The following CTXND1 variants were observed in gnomAD, a reference collection of about 807,000 sequenced individuals.
CTXND1 encodes the protein cortexin domain-containing 1 protein.
chr15:80,216,412 T>A lies in CTXND1; in HGVS notation c.-217-12672A>T, dbSNP rs16971846. Among the ~76,000 whole-genome samples the A allele has an allele frequency of 0.025, 3,882 of 152,296 alleles. 325 individuals carry two copies. In the East Asian group the frequency reaches 0.28, roughly 11 times the overall value. On this transcript the variant is annotated intron_variant, in intron 1 of 2. Coordinates refer to ENST00000560778, the MANE Select transcript of CTXND1 (RefSeq NM_001352888.2). ...TTCCAAAGAACACATTTCATTTGTT[T>A]ACAGCCATGAATTGAGATGTTCGCA...
chr15:80,216,022 T>G (rs1893249036), intron 1 of CTXND1, among the ~76,000 whole-genome samples: 1 of 152,234 alleles, frequency 6.6e-6, no homozygotes, highest in South Asian at 2.1e-4. Context: ...CCCAGAAAGA[T>G]ATGTTAGCTA....
intron 1 of CTXND1, among the ~76,000 whole-genome samples, chr15:80,217,855 G>GT (rs1893270742): frequency 6.6e-6 from 1 of 152,116 alleles, no homozygotes; most frequent in Non-Finnish European, 1.5e-5. Flanking sequence ...CCCACTAATA[G>GT]TTTAAGTAAG....
chr15:80,223,052 T>C (rs1190462221), intron 1 of CTXND1, among the ~76,000 whole-genome samples: 5 of 152,334 alleles, frequency 3.3e-5, no homozygotes, highest in South Asian at 4.1e-4. Context: ...TAACATAAGG[T>C]CTATGAGATT....
intron 1 of CTXND1, among the ~76,000 whole-genome samples, chr15:80,210,311 A>C (rs1328655098): frequency 2.6e-5 from 4 of 152,230 alleles, no homozygotes; most frequent in Non-Finnish European, 4.4e-5. Context: ...AAATATTAAT[A>C]CTAGTAAGTA....
At chr15:80,225,819 A>G (rs1245044574) in intron 1 of CTXND1, among the ~76,000 whole-genome samples, 2 of 152,112 alleles carry the variant, frequency 1.3e-5, no homozygotes, top group Non-Finnish European at 2.9e-5. Context: ...ATTAGAGGCC[A>G]TTTGTTCTAA....
chr15:80,196,310 A>T lies in CTXND1; in HGVS notation c.*5460T>A, dbSNP rs1279205763. 2.0e-5 allele frequency: 3 copies of T among 152,178 alleles called. No individual in the cohort carries two copies. The highest frequency in any genetic ancestry group is 4.4e-5 in the Non-Finnish European group (3 of 68,036). 9.4% of individuals were successfully genotyped at this position (152,178 alleles called of 1,614,324 possible). A position where few individuals can be genotyped will look rare whatever the true frequency, so the allele number is the denominator to read the frequency against. On this transcript the variant is annotated 3_prime_UTR_variant, in exon 3 of 3. Transcript: ENST00000560778. ...CTTCATGTTCTTTAGGAATCTGTGGATACTGTGGCAACTCATTGAAGACAC... is the reference window on the plus strand; with the variant it reads ...CTTCATGTTCTTTAGGAATCTGTGGTTACTGTGGCAACTCATTGAAGACAC...
At chr15:80,221,037 T>C (rs1893310427) in intron 1 of CTXND1, among the ~76,000 whole-genome samples, 2 of 151,530 alleles carry the variant, frequency 1.3e-5, no homozygotes, top group South Asian at 4.2e-4. Flanking sequence ...GCCTCCCGAG[T>C]AGCTGGGACT....
chr15:80,211,404 A>G (rs1893203185), intron 1 of CTXND1, among the ~76,000 whole-genome samples: 1 of 152,170 alleles, frequency 6.6e-6, no homozygotes, highest in African/African-American at 2.4e-5. Flanking sequence ...CACTTCCCCA[A>G]ACTGACAAAT....
chr15:80,245,290 C>T lies in CTXND1; in HGVS notation c.-218+6717G>A, dbSNP rs1464968328. On this transcript the variant is annotated intron_variant, in intron 1 of 2. Transcript: ENST00000560778. ...GCCTCACCAGGCACCTTGACAGTAG[C>T]AAGTTTGTGTTTACATCGAGACTGA... 2.0e-5 allele frequency among the ~76,000 whole-genome samples: 3 copies of T among 152,296 alleles called. No homozygotes were observed. The East Asian group carries it at 5.8e-4, about 29-fold the overall frequency.
intron 1 of CTXND1, among the ~76,000 whole-genome samples, chr15:80,218,970 C>A (rs1428230933): frequency 6.8e-6 from 1 of 146,900 alleles, no homozygotes; most frequent in Admixed American, 6.9e-5. Flanking sequence ...CTTGTGCTGT[C>A]GCCCAGGCTG....
chr15:80,227,482 C>T (rs1407702088), intron 1 of CTXND1, among the ~76,000 whole-genome samples: 3 of 152,206 alleles, frequency 2.0e-5, no homozygotes, highest in Non-Finnish European at 2.9e-5. Flanking sequence ...TATATAAGGG[C>T]TTATTATGGG....
At chr15:80,228,692 C>T (rs971756829) in intron 1 of CTXND1, among the ~76,000 whole-genome samples, 4 of 148,828 alleles carry the variant, frequency 2.7e-5, no homozygotes, top group South Asian at 2.1e-4. Flanking sequence ...TGCAGTGGTG[C>T]GATCTTGGCT....
At chr15:80,244,546 T>A (rs929933363) in intron 1 of CTXND1, among the ~76,000 whole-genome samples, 1 of 152,034 alleles carries the variant, frequency 6.6e-6, no homozygotes, top group Non-Finnish European at 1.5e-5. Flanking sequence ...TCAGGCAGAG[T>A]TTCCTTTGAG....
chr15:80,221,684 GT>G (rs992803722), intron 1 of CTXND1, among the ~76,000 whole-genome samples: 3 of 152,050 alleles, frequency 2.0e-5, no homozygotes, highest in Non-Finnish European at 4.4e-5. Context: ...GCTTCTAAAG[GT>G]GACAGTTTAG....
rs184525616 is a variant in CTXND1 at position 80,209,900 on chromosome 15, T to C, written c.-217-6160A>G. On this transcript the variant is annotated intron_variant, in intron 1 of 2. Coordinates refer to ENST00000560778, the MANE Select transcript of CTXND1 (RefSeq NM_001352888.2). ...AATTTAGACTCACATGTATCTTTGG[T>C]AATTTATTAAAATGCCAATCAGGGC... Among the ~76,000 whole-genome samples the C allele has an allele frequency of 5.9e-5, 9 of 152,360 alleles. No homozygotes were observed. The East Asian group carries it at 1.7e-3, about 29-fold the overall frequency.
chr15:80,202,729 G>A (rs1022620616), intron 2 of CTXND1, among the ~76,000 whole-genome samples: 5 of 152,190 alleles, frequency 3.3e-5, no homozygotes, highest in African/African-American at 1.2e-4. Flanking sequence ...AGGCTTGGAG[G>A]GTCTATATCC....
chr15:80,209,203 C>T (rs956122086), intron 1 of CTXND1, among the ~76,000 whole-genome samples: 1 of 152,208 alleles, frequency 6.6e-6, no homozygotes, highest in Non-Finnish European at 1.5e-5. Context: ...AGAATGTGGA[C>T]TCAAAAACCA....
chr15:80,211,572 AG>A (rs1196886855), intron 1 of CTXND1, among the ~76,000 whole-genome samples: 1 of 152,192 alleles, frequency 6.6e-6, no homozygotes, highest in Admixed American at 6.5e-5. Flanking sequence ...ATATGTTAAC[AG>A]ATAATTAAAA....
At chr15:80,208,991 C>T (rs1263684260) in intron 1 of CTXND1, among the ~76,000 whole-genome samples, 1 of 152,174 alleles carries the variant, frequency 6.6e-6, no homozygotes, top group Non-Finnish European at 1.5e-5. Context: ...GCCTCTCAAA[C>T]CTTGATTCTG....
Sources: allele counts gnomAD v4.1 joint callset (sites outside exome capture counted in the v4.1 genomes callset), GRCh38; gene constraint gnomAD v4.1.1; transcripts MANE v1.5; gene names NCBI Gene and HGNC (gene_info 2026-07-23, HGNC 2026-07-21).